ZNF804B: variants seen among roughly 807,000 people sequenced by gnomAD.
ZNF804B encodes the protein zinc finger protein 804B, also known as zinc finger 804B.
Under a neutral mutation model 101.4 loss-of-function variants are expected in ZNF804B, and 80 were observed. The ratio of observed to expected loss-of-function variants is 0.79; its 90% CI spans 0.66 to 0.95. The LOEUF (loss-of-function observed/expected upper bound fraction) is 0.95, where lower values mean the gene tolerates loss of function less well. Among genes scored for constraint, ZNF804B ranks in the 40% least tolerant of loss-of-function variants. The pLI, the probability that ZNF804B is intolerant of heterozygous loss-of-function variation, is 0.00. For missense variants in ZNF804B, 1,673 were observed against 1,561.9 expected (o/e 1.07, Z -1.20); for synonymous variants, 622 against 558.8 (o/e 1.11, Z -1.59).
At chr7:89,116,506 A>C (rs1790314611) in intron 1 of ZNF804B, among the ~76,000 whole-genome samples, 1 of 152,190 alleles carries the variant, frequency 6.6e-6, no homozygotes, top group African/African-American at 2.4e-5. Flanking sequence ...GAAAGTAACT[A>C]ACCTACAACT....
chr7:88,845,186 C>T (rs1318049978), intron 1 of ZNF804B, among the ~76,000 whole-genome samples: 1 of 152,128 alleles, frequency 6.6e-6, no homozygotes, highest in Admixed American at 6.5e-5. Context: ...TAATCTATTA[C>T]GTGTTGAACT....
At chr7:88,970,254 TAG>T (rs1793511793) in intron 1 of ZNF804B, among the ~76,000 whole-genome samples, 1 of 151,582 alleles carries the variant, frequency 6.6e-6, no homozygotes, top group Non-Finnish European at 1.5e-5. Context: ...GCTTGTTACA[TAG>T]GTAAACATGT....
At chr7:89,195,527 C>T (rs1337387222) in intron 1 of ZNF804B, among the ~76,000 whole-genome samples, 1 of 149,808 alleles carries the variant, frequency 6.7e-6, no homozygotes, top group Non-Finnish European at 1.5e-5. Context: ...AAATCACAAG[C>T]ATTCTTATAC....
intron 1 of ZNF804B, among the ~76,000 whole-genome samples, chr7:88,900,854 A>G (rs1214188592): frequency 1.3e-5 from 2 of 151,828 alleles, no homozygotes; most frequent in East Asian, 3.9e-4. Flanking sequence ...AAAAAAAAAC[A>G]TTATACAGAA....
At chr7:89,208,911 C>T (rs1242182113) in intron 1 of ZNF804B, among the ~76,000 whole-genome samples, 1 of 151,986 alleles carries the variant, frequency 6.6e-6, no homozygotes, top group Non-Finnish European at 1.5e-5. Flanking sequence ...ATTCGGGAGG[C>T]TGAGGCAGGA....
intron 1 of ZNF804B, among the ~76,000 whole-genome samples, chr7:89,136,156 C>A (rs1160527858): frequency 3.3e-5 from 5 of 152,014 alleles, no homozygotes; most frequent in African/African-American, 9.7e-5. Flanking sequence ...TTTAAATATT[C>A]TTCTTTGCTT....
chr7:89,134,789 T>G (rs1021075228), intron 1 of ZNF804B, among the ~76,000 whole-genome samples: 1 of 151,900 alleles, frequency 6.6e-6, no homozygotes, highest in African/African-American at 2.4e-5. Context: ...CATATTTTAT[T>G]GCTCTTAATT....
intron 1 of ZNF804B, among the ~76,000 whole-genome samples, chr7:88,768,627 A>G (rs1239592668): frequency 6.6e-6 from 1 of 152,222 alleles, no homozygotes; most frequent in Non-Finnish European, 1.5e-5. Flanking sequence ...CTGAGGCCGG[A>G]GAATCGCTTG....
chr7:89,333,607 G>C lies in ZNF804B; in HGVS notation c.625G>C (p.Asp209His), dbSNP rs1280227053. ...AAATCAGGTACTGCAAACATCTTCA[G>C]ATCTCAGCAATGCAAATCACAGAAC... ...FGNQVLQTSSDLSNANHRTGV... is the reference protein window; with the variant it reads ...FGNQVLQTSSHLSNANHRTGV... The change falls in exon 4 of 4, where the codon GAT (aspartate) becomes CAT (histidine). Residue 209 changes from aspartate (D) to histidine (H), a missense_variant. Physicochemically the swap from Asp to His is moderately conservative, Grantham distance 81 (BLOSUM62 -1). Transcript: ENST00000333190. 1 of 1,613,444 alleles carries C rather than the reference G, an allele frequency of 6.2e-7. No homozygotes were observed. The highest frequency in any genetic ancestry group is 8.5e-7 in the Non-Finnish European group (1 of 1,179,720).
intron 1 of ZNF804B, among the ~76,000 whole-genome samples, chr7:89,198,091 G>A (rs1404204321): frequency 1.3e-5 from 2 of 151,694 alleles, no homozygotes; most frequent in Non-Finnish European, 2.9e-5. Context: ...TTAAACCTTT[G>A]CAAATAGATT....
chr7:89,324,231 G>A (rs113472299), intron 2 of ZNF804B, among the ~76,000 whole-genome samples: 3,113 of 151,810 alleles, frequency 0.021, 103 homozygotes, highest in African/African-American at 0.071. Context: ...CATGCAGTGG[G>A]TATCCATTTT....
At chr7:89,309,632 C>T (rs754831775) in intron 2 of ZNF804B, among the ~76,000 whole-genome samples, 10 of 151,716 alleles carry the variant, frequency 6.6e-5, no homozygotes, top group Middle Eastern at 3.4e-3. Context: ...TGGTGGCACA[C>T]ACCTGTAGTC....
At chr7:88,955,108 A>T (rs1040221918) in intron 1 of ZNF804B, among the ~76,000 whole-genome samples, 3 of 151,172 alleles carry the variant, frequency 2.0e-5, no homozygotes, top group African/African-American at 7.3e-5. Flanking sequence ...TAAAAAAAAA[A>T]AAAAGGAAAA....
At chr7:89,042,290 T>TTA (rs1789027472) in intron 1 of ZNF804B, among the ~76,000 whole-genome samples, 1 of 152,136 alleles carries the variant, frequency 6.6e-6, no homozygotes, top group Admixed American at 6.5e-5. Flanking sequence ...ATCAGAAATG[T>TTA]TATAATATTT....
Position 89,333,239 on chromosome 7 carries a change from G to A in ZNF804B, c.381-124G>A, listed in dbSNP as rs1396667597. ...CTATATAAGGACAACAAAAGGTTAT[G>A]TTTTAGAAGATGTAGCTCATAAAAT... On this transcript the variant is annotated intron_variant, in intron 3 of 3. Coordinates refer to ENST00000333190, the MANE Select transcript of ZNF804B (RefSeq NM_181646.5). The A allele has an allele frequency of 6.3e-6, 6 of 957,432 alleles. No individual in the cohort carries two copies. The South Asian group carries it at 8.3e-5, about 13-fold the overall frequency. 59.3% of individuals were successfully genotyped at this position (957,432 alleles called of 1,614,324 possible).
intron 1 of ZNF804B, among the ~76,000 whole-genome samples, chr7:89,167,418 G>A (rs1416595119): frequency 6.6e-6 from 1 of 151,688 alleles, no homozygotes; most frequent in Non-Finnish European, 1.5e-5. Flanking sequence ...ATTCCACTCC[G>A]GGCCGAAAAC....
chr7:89,147,946 T>A (rs2116401449), intron 1 of ZNF804B, among the ~76,000 whole-genome samples: 1 of 151,960 alleles, frequency 6.6e-6, no homozygotes, highest in African/African-American at 2.4e-5. Context: ...ATGAAATATA[T>A]AATAGAAATA....
chr7:88,935,759 TA>T (rs1792958518), intron 1 of ZNF804B, among the ~76,000 whole-genome samples: 1 of 151,998 alleles, frequency 6.6e-6, no homozygotes, highest in African/African-American at 2.4e-5. Context: ...GTAGGTGCCA[TA>T]AGTTTTCAGG....
In ZNF804B at chr7:89,304,773, A is replaced by G. The variant is rs140097762; in HGVS notation, c.250-22571A>G. ...TAATAGATTTCTTTCTAAAGCACAG[A>G]CCTCCCATCTAAGTCCAAGTCCCCA... On this transcript the variant is annotated intron_variant, in intron 2 of 3. Coordinates refer to ENST00000333190, the MANE Select transcript of ZNF804B (RefSeq NM_181646.5). 5.7e-3 allele frequency among the ~76,000 whole-genome samples: 863 copies of G among 151,828 alleles called. 10 individuals carry two copies. The highest frequency in any genetic ancestry group is 0.02 in the African/African-American group (834 of 41,436).
Sources: allele counts gnomAD v4.1 joint callset (sites outside exome capture counted in the v4.1 genomes callset), GRCh38; gene constraint gnomAD v4.1.1; transcripts MANE v1.5; gene names NCBI Gene and HGNC (gene_info 2026-07-23, HGNC 2026-07-21).